The following TMEFF1 variants were observed in gnomAD, a reference collection of about 807,000 sequenced individuals.
TMEFF1 encodes the protein transmembrane protein with EGF like and two follistatin like domains 1.
In TMEFF1, 20 loss-of-function variants were observed where a neutral mutation model predicts 47.5. The ratio of observed to expected loss-of-function variants is 0.42; its 90% CI spans 0.30 to 0.61. TMEFF1 has a LOEUF of 0.61. TMEFF1 is among the 20% of genes least tolerant of loss of function. The probability of loss-of-function intolerance (pLI) is 0.19; values close to 1 mark genes in which losing one functional copy is unlikely to be tolerated. For synonymous variants in TMEFF1, 162 were observed against 166.3 expected (o/e 0.97, Z 0.20); for missense variants, 411 against 471.1 (o/e 0.87, Z 1.18).
At chr9:100,545,004 G>A (rs2077600743) in intron 5 of TMEFF1, among the ~76,000 whole-genome samples, 1 of 152,218 alleles carries the variant, frequency 6.6e-6, no homozygotes, top group South Asian at 2.1e-4. Flanking sequence ...GGGTACAGGT[G>A]GCTCTGCAGG....
At chr9:100,499,544 A>G (rs1301772283) in intron 2 of TMEFF1, among the ~76,000 whole-genome samples, 2 of 152,092 alleles carry the variant, frequency 1.3e-5, no homozygotes, top group Non-Finnish European at 2.9e-5. Flanking sequence ...AGGAACTAGA[A>G]TTTTTTTTCC....
chr9:100,477,552 A>G (rs1195318548), intron 1 of TMEFF1, among the ~76,000 whole-genome samples: 1 of 148,140 alleles, frequency 6.8e-6, no homozygotes, highest in South Asian at 2.1e-4. Flanking sequence ...TTATTTATCC[A>G]TTTTAGAATT....
chr9:100,512,288 T>C (rs1837983236), intron 3 of TMEFF1, among the ~76,000 whole-genome samples: 1 of 152,250 alleles, frequency 6.6e-6, no homozygotes, highest in Non-Finnish European at 1.5e-5. Context: ...AGACTTTCCA[T>C]AAAATCCCAT....
At chr9:100,567,161 C>A (rs80282385) in intron 8 of TMEFF1, among the ~76,000 whole-genome samples, 4,903 of 152,256 alleles carry the variant, frequency 0.032, 262 homozygotes, top group African/African-American at 0.11. Flanking sequence ...CCCTCACCCC[C>A]TCTTCTGCAG....
At chr9:100,551,533 G>A (rs1320490245) in intron 7 of TMEFF1, among the ~76,000 whole-genome samples, 1 of 152,128 alleles carries the variant, frequency 6.6e-6, no homozygotes, top group Admixed American at 6.5e-5. Context: ...TTCAGTATTT[G>A]GAAGCTCATA....
chr9:100,504,397 C>T (rs1244805902), intron 2 of TMEFF1, among the ~76,000 whole-genome samples: 3 of 152,288 alleles, frequency 2.0e-5, no homozygotes, highest in Non-Finnish European at 4.4e-5. Flanking sequence ...GTCCTCTGCT[C>T]AGTGTCACCA....
In TMEFF1 at chr9:100,498,828, T is replaced by C; in HGVS notation, c.260T>C (p.Val87Ala). The change falls in exon 2 of 10, where the codon GTC becomes GCC. Residue 87 changes from valine (V) to alanine (A), a missense_variant. Coordinates refer to ENST00000374879, the MANE Select transcript of TMEFF1 (RefSeq NM_003692.5). ...CDESSCKYGG[V>A]CKEDGDGLKC... ...GAGTCATCATGTAAATATGGAGGAGTCTGTAAAGAAGATGGAGATGGTTTG... is the reference window on the plus strand; with the variant it reads ...GAGTCATCATGTAAATATGGAGGAGCCTGTAAAGAAGATGGAGATGGTTTG... The C allele has an allele frequency of 6.2e-7, 1 of 1,613,652 alleles. No individual in the cohort carries two copies.
intron 1 of TMEFF1, among the ~76,000 whole-genome samples, chr9:100,475,757 T>A (rs1057137981): frequency 2.4e-5 from 3 of 125,098 alleles, no homozygotes; most frequent in African/African-American, 2.8e-5. Context: ...GTGTGTGTGT[T>A]CTTTGGGTTC....
At chr9:100,492,844 C>T (rs1837580756) in intron 1 of TMEFF1, among the ~76,000 whole-genome samples, 1 of 151,930 alleles carries the variant, frequency 6.6e-6, no homozygotes, top group South Asian at 2.1e-4. Flanking sequence ...GAAGTGAGGC[C>T]TGCTGGAGGT....
At position 100,576,533 on chromosome 9, in the gene TMEFF1, A is replaced by G; in HGVS notation, c.1076A>G (p.Asn359Ser). Residue 359 changes from asparagine to serine, a missense_variant, in exon 10 of 10, where the codon AAT becomes AGT. By Grantham distance (46) the Asn-to-Ser change is conservative (BLOSUM62 1). Transcript: ENST00000374879. Reference protein sequence around the residue: ...MCITRKCPKNNRGRRQKQNLG... With the variant: ...MCITRKCPKNSRGRRQKQNLG... ...TGCAACAGAAAATGCCCCAAAAACA[A>G]TAGAGGACGTCGACAGAAGCAAAAC... is the stretch of plus-strand genomic sequence containing the variant. 3 of 1,613,028 alleles carry G rather than the reference A, an allele frequency of 1.9e-6. No homozygotes were observed. Among genetic ancestry groups the G allele is most frequent in the Non-Finnish European group, 2.5e-6 (3 of 1,179,578 alleles).
At chr9:100,540,618 C>T (rs770562862) in intron 5 of TMEFF1, among the ~76,000 whole-genome samples, 7 of 152,216 alleles carry the variant, frequency 4.6e-5, no homozygotes, top group Admixed American at 2.6e-4. Flanking sequence ...AGGGCCAGAG[C>T]GGATGTCGAG....
chr9:100,500,224 T>C (rs992120128), intron 2 of TMEFF1, among the ~76,000 whole-genome samples: 3 of 152,242 alleles, frequency 2.0e-5, no homozygotes, highest in African/African-American at 4.8e-5. Context: ...TTACTGTTTT[T>C]GACTATTAAG....
intron 5 of TMEFF1, among the ~76,000 whole-genome samples, chr9:100,538,230 G>A (rs1475385292): frequency 6.6e-6 from 1 of 152,062 alleles, no homozygotes; most frequent in African/African-American, 2.4e-5. Context: ...TTTTGTTTTT[G>A]TAGTTTTAGT....
chr9:100,502,330 A>G (rs755996151), intron 2 of TMEFF1, among the ~76,000 whole-genome samples: 37 of 152,114 alleles, frequency 2.4e-4, no homozygotes, highest in African/African-American at 6.5e-4. Context: ...TTAGACACAA[A>G]GAAATTTCAG....
chr9:100,533,012 C>G (rs950181888), intron 5 of TMEFF1, among the ~76,000 whole-genome samples: 7 of 146,596 alleles, frequency 4.8e-5, no homozygotes, highest in African/African-American at 1.8e-4. Flanking sequence ...ACTGCATATT[C>G]TCACTCATAG....
chr9:100,549,139 T>C (rs889034957), intron 6 of TMEFF1, among the ~76,000 whole-genome samples: 3 of 152,128 alleles, frequency 2.0e-5, no homozygotes, highest in African/African-American at 7.2e-5. Context: ...AAAAGAGGTA[T>C]AATTGGCTTA....
intron 1 of TMEFF1, among the ~76,000 whole-genome samples, chr9:100,481,600 G>A (rs578256944): frequency 6.6e-6 from 1 of 152,310 alleles, no homozygotes; most frequent in South Asian, 2.1e-4. Flanking sequence ...ACATCAAGAA[G>A]CTTTTAAAGG....
chr9:100,473,797 C>G lies in TMEFF1; in HGVS notation c.196+57C>G, dbSNP rs1049329182. Reference sequence around the variant, plus strand: ...CCCACCCCTCCGTTGCCGCCTCCCTCGTGGTCCCTGCGGTCGGCCGGGCTG... The same window carrying G: ...CCCACCCCTCCGTTGCCGCCTCCCTGGTGGTCCCTGCGGTCGGCCGGGCTG... On this transcript the variant is annotated intron_variant, in intron 1 of 9. Coordinates refer to ENST00000374879, the MANE Select transcript of TMEFF1 (RefSeq NM_003692.5). The surrounding 1 kb of genome is among the most constrained non-coding windows in gnomAD (Gnocchi z 5.4). 2 of 1,412,308 alleles carry G rather than the reference C, an allele frequency of 1.4e-6. No homozygotes were observed. The highest frequency in any genetic ancestry group is 3.0e-5 in the South Asian group (2 of 66,504). 87.5% of individuals were successfully genotyped at this position (1,412,308 alleles called of 1,614,324 possible).
intron 1 of TMEFF1, among the ~76,000 whole-genome samples, chr9:100,488,778 C>A (rs955400061): frequency 7.2e-5 from 11 of 152,150 alleles, no homozygotes; most frequent in African/African-American, 2.7e-4. Flanking sequence ...GGATGCTGGA[C>A]AAGGTGGTCT....
Sources: gnomAD v4.1 joint callset for allele counts (sites outside exome capture counted in the v4.1 genomes callset) on GRCh38, gnomAD v4.1.1 for gene constraint, Gnocchi (gnomAD v3.1) non-coding constraint, MANE v1.5 for transcripts, NCBI Gene and HGNC (gene_info 2026-07-23, HGNC 2026-07-21) for gene names.